Variants in TRPM6 observed in about 807,000 individuals in gnomAD.
TRPM6 encodes the protein transient receptor potential cation channel subfamily M member 6.
Under a neutral mutation model 247.6 loss-of-function variants are expected in TRPM6, and 111 were observed. That is an observed-to-expected ratio of 0.45 (90% CI 0.38 to 0.52). The LOEUF (loss-of-function observed/expected upper bound fraction) is 0.52. Among genes scored for constraint, TRPM6 ranks in the 20% least tolerant of loss-of-function variants. The pLI is 0.00. For missense variants in TRPM6, 2,126 were observed against 2,421.5 expected (o/e 0.88, Z 2.56); for synonymous variants, 892 against 853.8 (o/e 1.04, Z -0.78).
At chr9:74,765,366 A>G (rs990916247) in intron 25 of TRPM6, among the ~76,000 whole-genome samples, 3 of 150,072 alleles carry the variant, frequency 2.0e-5, no homozygotes, top group Admixed American at 1.3e-4. Context: ...AAAAAAAAAC[A>G]GGATACAAAA....
chr9:74,880,333 G>A (rs988553667), intron 1 of TRPM6, among the ~76,000 whole-genome samples: 8 of 151,950 alleles, frequency 5.3e-5, no homozygotes, highest in South Asian at 2.1e-4. Flanking sequence ...GTAGACGTCC[G>A]GAAACAGGAA....
At position 74,728,276 on chromosome 9, in the gene TRPM6, A is replaced by G. The variant is rs1415539029; in HGVS notation, c.5898T>C (p.His1966=). 5.0e-6 allele frequency: 8 copies of G among 1,614,050 alleles called. No homozygotes were observed. In the Admixed American group the frequency reaches 1.0e-4, roughly 20 times the overall value. ...EDAIRNFIAK[H]HCNSCCRKLK... ...GCTTCCGGCAGCAGGAGTTACAATG[A>G]TGTTTTGCAATGAAGTTTCTAATTG... Residue 1966 remains histidine, a synonymous_variant, in exon 38 of 39, where the codon CAT becomes CAC. Transcript: ENST00000360774.
At chr9:74,817,010 A>G (rs1828958289) in intron 9 of TRPM6, 46 bp from the exon 10 acceptor site, 1 of 1,501,184 alleles carries the variant, frequency 6.7e-7, no homozygotes, top group Non-Finnish European at 9.3e-7. Flanking sequence ...GGAACTACCA[A>G]ATAAATGCTT....
chr9:74,804,400 T>G, intron 14 of TRPM6: 1 of 499,662 alleles, frequency 2.0e-6, no homozygotes, highest in South Asian at 2.2e-5. Flanking sequence ...TAGCAGGAAG[T>G]TTTCATCAAC....
chr9:74,735,639 A>G (rs558810597), intron 36 of TRPM6, among the ~76,000 whole-genome samples: 1 of 152,300 alleles, frequency 6.6e-6, no homozygotes, highest in South Asian at 2.1e-4. Context: ...AATGCTATAA[A>G]CCACTGTAAT....
chr9:74,846,937 A>G (rs1830128591), intron 3 of TRPM6, among the ~76,000 whole-genome samples: 2 of 152,180 alleles, frequency 1.3e-5, no homozygotes, highest in South Asian at 4.1e-4. Context: ...TACACGTTCC[A>G]AAAAGCCTAG....
At chr9:74,849,959 G>A (rs762845635) in intron 3 of TRPM6, among the ~76,000 whole-genome samples, 1 of 152,230 alleles carries the variant, frequency 6.6e-6, no homozygotes. Flanking sequence ...TCTGAAAGAG[G>A]TGATCAGTGG....
chr9:74,798,976 A>G (rs1442207006), intron 17 of TRPM6, among the ~76,000 whole-genome samples: 1 of 152,318 alleles, frequency 6.6e-6, no homozygotes, highest in East Asian at 1.9e-4. Context: ...TATTTCTCAA[A>G]CTACCAGCTA....
intron 1 of TRPM6, among the ~76,000 whole-genome samples, chr9:74,872,882 C>G (rs2118470939): frequency 6.6e-6 from 1 of 152,290 alleles, no homozygotes; most frequent in Middle Eastern, 3.4e-3. Context: ...CCAGGCCTTT[C>G]TACCTCTAAT....
At position 74,830,986 on chromosome 9, in the gene TRPM6, C is replaced by T. The variant is rs369084985; in HGVS notation, c.669+3012G>A. On this transcript the variant is annotated intron_variant, in intron 6 of 38. Transcript: ENST00000360774. Reference sequence around the variant, plus strand: ...ACAGACTGGTCCAAGCATTCCACTTCGAGAATTAATTCTAGGGAAATAAGC... The same window carrying T: ...ACAGACTGGTCCAAGCATTCCACTTTGAGAATTAATTCTAGGGAAATAAGC... 6.6e-5 allele frequency among the ~76,000 whole-genome samples: 10 copies of T among 151,876 alleles called. No individual in the cohort carries two copies. In the East Asian group the frequency reaches 1.2e-3, roughly 18 times the overall value.
chr9:74,726,915 C>T (rs1825348300), intron 38 of TRPM6, among the ~76,000 whole-genome samples: 1 of 152,222 alleles, frequency 6.6e-6, no homozygotes, highest in Non-Finnish European at 1.5e-5. Context: ...TGGCTGTGCA[C>T]TAATCTCTTT....
chr9:74,821,680 C>T lies in TRPM6; in HGVS notation c.999G>A (p.Leu333=). ...AGCCAACAACTCACCCTTCATCTGC[C>T]AGGTGTTTGTGTGTGAAGGCCAGGA... The part of the protein sequence containing the change: ...ADLLAFTHKH[L]ADEGMLRPQV... Residue 333 remains leucine (L), a synonymous_variant, in exon 8 of 39, where the codon CTG becomes CTA. Transcript: ENST00000360774. 3 of 1,614,194 alleles carry T rather than the reference C, an allele frequency of 1.9e-6. No individual in the cohort carries two copies. The highest frequency in any genetic ancestry group is 2.5e-6 in the Non-Finnish European group (3 of 1,180,038).
At position 74,762,700 on chromosome 9, in the gene TRPM6, C is replaced by T. The variant is rs1369493588; in HGVS notation, c.3971G>A (p.Ser1324Asn). The T allele has an allele frequency of 6.2e-7, 1 of 1,614,160 alleles. No individual in the cohort carries two copies. The highest frequency in any genetic ancestry group is 1.7e-5 in the Admixed American group (1 of 60,026). The change falls in exon 26 of 39, where the codon AGT becomes AAT. Residue 1324 changes from serine (S) to asparagine (N), a missense_variant. Ser to Asn is a conservative substitution (Grantham distance 46). Coordinates refer to ENST00000360774, the MANE Select transcript of TRPM6 (RefSeq NM_017662.5). ...AGACACCCCAGAAACCACTATACTA[C>T]TTTGTGTTTCTTGCCTTTCCTGGTC... is the stretch of plus-strand genomic sequence containing the variant. ...RNDQERQETQ[S>N]SIVVSGVSPN...
chr9:74,851,622 G>T (rs1830315529), intron 3 of TRPM6, among the ~76,000 whole-genome samples: 1 of 151,498 alleles, frequency 6.6e-6, no homozygotes, highest in Non-Finnish European at 1.5e-5. Flanking sequence ...GGTGGTGGGC[G>T]CCTGTAATCC....
At chr9:74,781,863 C>T (rs147210761) in intron 23 of TRPM6, among the ~76,000 whole-genome samples, 2 of 152,156 alleles carry the variant, frequency 1.3e-5, no homozygotes, top group Admixed American at 1.3e-4. Context: ...TCTGTGGATT[C>T]AAATAACCAC....
chr9:74,863,542 C>T (rs2118402010), intron 1 of TRPM6, among the ~76,000 whole-genome samples: 1 of 152,212 alleles, frequency 6.6e-6, no homozygotes, highest in South Asian at 2.1e-4. Flanking sequence ...GGGGTACTCT[C>T]TGAGAAGGCA....
chr9:74,768,938 C>A (rs762423634), intron 25 of TRPM6, among the ~76,000 whole-genome samples: 2 of 152,184 alleles, frequency 1.3e-5, no homozygotes, highest in Non-Finnish European at 2.9e-5. Flanking sequence ...CTGTCCACAT[C>A]TCATCTGTTC....
intron 25 of TRPM6, among the ~76,000 whole-genome samples, chr9:74,767,337 A>C (rs769047840): frequency 2.6e-5 from 4 of 152,240 alleles, no homozygotes; most frequent in Non-Finnish European, 5.9e-5. Context: ...GCTGACTTAC[A>C]CTACTAGAAT....
At chr9:74,859,642 C>T (rs1830636782) in intron 1 of TRPM6, among the ~76,000 whole-genome samples, 1 of 151,944 alleles carries the variant, frequency 6.6e-6, no homozygotes, top group Non-Finnish European at 1.5e-5. Context: ...GGCATGGTGG[C>T]AGGCAACTAT....
Sources: allele counts gnomAD v4.1 joint callset (sites outside exome capture counted in the v4.1 genomes callset), GRCh38; gene constraint gnomAD v4.1.1; transcripts MANE v1.5; gene names NCBI Gene and HGNC (gene_info 2026-07-23, HGNC 2026-07-21).